CAMK4: variants seen among roughly 807,000 people sequenced by gnomAD.
CAMK4 encodes the protein calcium/calmodulin dependent protein kinase IV.
A neutral mutation model predicts 44.9 loss-of-function variants in CAMK4; 22 were observed. The ratio of observed to expected loss-of-function variants is 0.49; its 90% CI spans 0.35 to 0.70. The LOEUF is 0.70. Among genes scored for constraint, CAMK4 ranks in the 30% least tolerant of loss-of-function variants. CAMK4 has a pLI of 0.01. For synonymous variants in CAMK4, 218 were observed against 215.4 expected, an observed-to-expected ratio of 1.01 and a Z score of -0.11; for missense variants, 498 against 586.8, an observed-to-expected ratio of 0.85 and a Z score of 1.56.
At chr5:111,479,703 T>C (rs995552359) in intron 9 of CAMK4, among the ~76,000 whole-genome samples, 1 of 152,174 alleles carries the variant, frequency 6.6e-6, no homozygotes, top group Non-Finnish European at 1.5e-5. Context: ...ATTTCTTCCT[T>C]ACCCTCTGTG....
chr5:111,257,194 T>G (rs2112553185), intron 1 of CAMK4, among the ~76,000 whole-genome samples: 1 of 152,310 alleles, frequency 6.6e-6, no homozygotes, highest in South Asian at 2.1e-4. Flanking sequence ...CAAAAGAATC[T>G]GTTATCAGAG....
intron 1 of CAMK4, among the ~76,000 whole-genome samples, chr5:111,314,071 T>G (rs939250519): frequency 2.0e-5 from 3 of 152,076 alleles, no homozygotes; most frequent in Non-Finnish European, 4.4e-5. Context: ...TCCCCAAAAG[T>G]GTAATAGGAA....
intron 1 of CAMK4, among the ~76,000 whole-genome samples, chr5:111,272,276 C>A (rs139974898): frequency 6.6e-4 from 100 of 152,218 alleles, no homozygotes; most frequent in African/African-American, 2.2e-3. Context: ...GTGTCTTTTA[C>A]AAGTATTTTA....
At position 111,330,603 on chromosome 5, in the gene CAMK4, T is replaced by C. The variant is rs576854568; in HGVS notation, c.162-13421T>C. Among the ~76,000 whole-genome samples, 3 of 151,754 alleles carry C rather than the reference T, an allele frequency of 2.0e-5. No individual in the cohort carries two copies. In the South Asian group the frequency reaches 6.2e-4, roughly 32 times the overall value. On this transcript the variant is annotated intron_variant, in intron 1 of 10. Coordinates refer to ENST00000282356, the MANE Select transcript of CAMK4 (RefSeq NM_001744.6). ...CCAAGTTATAATTAATTATAAGTAA[T>C]CTAGAGATGATTTAAAGTATAAGGG...
At chr5:111,346,353 T>G (rs1026526862) in intron 2 of CAMK4, among the ~76,000 whole-genome samples, 2 of 151,996 alleles carry the variant, frequency 1.3e-5, no homozygotes, top group Non-Finnish European at 2.9e-5. Context: ...TTTTACTTAT[T>G]TCTTGGCCTT....
At chr5:111,340,116 T>C (rs149606097) in intron 1 of CAMK4, among the ~76,000 whole-genome samples, 1 of 151,368 alleles carries the variant, frequency 6.6e-6, no homozygotes, top group African/African-American at 2.4e-5. Context: ...CTAACTGTAT[T>C]TTGGTGAAGT....
chr5:111,295,678 T>C (rs1218887419), intron 1 of CAMK4, among the ~76,000 whole-genome samples: 1 of 152,196 alleles, frequency 6.6e-6, no homozygotes, highest in East Asian at 1.9e-4. Flanking sequence ...CAAAATATAT[T>C]CTGGAATTTA....
At chr5:111,318,374 G>A (rs1209289335) in intron 1 of CAMK4, among the ~76,000 whole-genome samples, 2 of 152,188 alleles carry the variant, frequency 1.3e-5, no homozygotes, top group Non-Finnish European at 2.9e-5. Context: ...TTTCTGAGAT[G>A]AGTAAAGTGA....
At chr5:111,479,167 C>A (rs1755346514) in intron 9 of CAMK4, among the ~76,000 whole-genome samples, 1 of 152,230 alleles carries the variant, frequency 6.6e-6, no homozygotes, top group South Asian at 2.1e-4. Flanking sequence ...ATGTGAGCCA[C>A]TGCACCCAGC....
chr5:111,326,457 C>A (rs1398915361), intron 1 of CAMK4, among the ~76,000 whole-genome samples: 2 of 151,696 alleles, frequency 1.3e-5, no homozygotes, highest in African/African-American at 4.8e-5. Context: ...TATTAAAAGT[C>A]TTCCTCAAAA....
chr5:111,484,933 A>C lies in CAMK4; in HGVS notation c.*467A>C, dbSNP rs183766808. ...TTTACTTTTTATCATTGATGTGTTC[A>C]AACTGTTTACAAGGAGATGCTTATA... On this transcript the variant is annotated 3_prime_UTR_variant, in exon 11 of 11. Coordinates refer to ENST00000282356, the MANE Select transcript of CAMK4 (RefSeq NM_001744.6). This position sits in a 1 kb window ranked among gnomAD's most constrained non-coding sequence, Gnocchi z 5.3. 1 of 152,704 alleles carries C rather than the reference A, an allele frequency of 6.5e-6. No individual in the cohort carries two copies. Among genetic ancestry groups the C allele is most frequent in the Admixed American group, 6.5e-5 (1 of 15,298 alleles). The allele number at this position is 152,704 out of a possible 1,614,324, so 9.5% of individuals were successfully genotyped here.
chr5:111,480,457 A>G (rs1755398072), intron 9 of CAMK4, among the ~76,000 whole-genome samples: 1 of 152,030 alleles, frequency 6.6e-6, no homozygotes, highest in Non-Finnish European at 1.5e-5. Context: ...TATATATTTA[A>G]TGGTCCTCCT....
chr5:111,363,639 G>A (rs1341462758), intron 2 of CAMK4, among the ~76,000 whole-genome samples: 1 of 151,986 alleles, frequency 6.6e-6, no homozygotes, highest in African/African-American at 2.4e-5. Flanking sequence ...TACTTTTGAT[G>A]GAGTGGCCAG....
intron 2 of CAMK4, among the ~76,000 whole-genome samples, chr5:111,351,378 A>G (rs1259993505): frequency 6.6e-6 from 1 of 151,620 alleles, no homozygotes; most frequent in Non-Finnish European, 1.5e-5. Flanking sequence ...TTACAAGGAA[A>G]CTGGCAACTT....
chr5:111,425,999 TG>T (rs1334966124), intron 5 of CAMK4, among the ~76,000 whole-genome samples: 2 of 152,212 alleles, frequency 1.3e-5, no homozygotes, highest in African/African-American at 4.8e-5. Context: ...AGAACATTTT[TG>T]TATTTTTAAT....
rs972309056 is a variant in CAMK4, at chr5:111,484,057, G to A, written c.1013G>A (p.Arg338His). ...AAVKAVVASS[R>H]LGSASSSHGS... Reference sequence around the variant, plus strand: ...GTGAAGGCTGTGGTGGCCTCTTCGCGCCTGGGAAGTGCCAGCAGCAGCCAT... The same window carrying A: ...GTGAAGGCTGTGGTGGCCTCTTCGCACCTGGGAAGTGCCAGCAGCAGCCAT... Residue 338 changes from arginine (R) to histidine (H), a missense_variant, in exon 11 of 11, where the codon CGC becomes CAC. Physicochemically the swap from Arg to His is conservative, Grantham distance 29. Coordinates refer to ENST00000282356, the MANE Select transcript of CAMK4 (RefSeq NM_001744.6). This position sits in a 1 kb window ranked among gnomAD's most constrained non-coding sequence, Gnocchi z 5.3. 1.9e-6 allele frequency: 3 copies of A among 1,604,822 alleles called. No homozygotes were observed. Among genetic ancestry groups the A allele is most frequent in the South Asian group, 1.1e-5 (1 of 89,386 alleles).
intron 5 of CAMK4, among the ~76,000 whole-genome samples, chr5:111,430,242 A>G (rs1753394551): frequency 6.6e-6 from 1 of 152,250 alleles, no homozygotes; most frequent in African/African-American, 2.4e-5. Flanking sequence ...ATTGATGCTG[A>G]AAAGGCATTT....
chr5:111,484,857 A>G lies in CAMK4; in HGVS notation c.*391A>G. On this transcript the variant is annotated 3_prime_UTR_variant, in exon 11 of 11. Coordinates refer to ENST00000282356, the MANE Select transcript of CAMK4 (RefSeq NM_001744.6). This position sits in a 1 kb window ranked among gnomAD's most constrained non-coding sequence, Gnocchi z 5.3. ...CAGTAATTCCTTTGAACTACTGCTT[A>G]GCTAATACTAGGTAGTGCTAAAAGA... 6.3e-6 allele frequency: 1 copy of G among 158,676 alleles called. No individual in the cohort carries two copies. The highest frequency in any genetic ancestry group is 1.4e-5 in the Non-Finnish European group (1 of 72,614). 9.8% of individuals were successfully genotyped at this position (158,676 alleles called of 1,614,324 possible).
Position 111,478,500 on chromosome 5 carries a change from A to G in CAMK4, c.821A>G (p.Lys274Arg), listed in dbSNP as rs760133605. The G allele has an allele frequency of 8.7e-5, 133 of 1,529,604 alleles. No individual in the cohort carries two copies. Among genetic ancestry groups the G allele is most frequent in the Non-Finnish European group, 1.2e-4 (130 of 1,115,534 alleles). The allele number at this position is 1,529,604 out of a possible 1,614,324, so 94.8% of individuals were successfully genotyped here. A position where few individuals can be genotyped will look rare whatever the true frequency, so the allele number is the denominator to read the frequency against. The change falls in exon 9 of 11, where the codon AAG becomes AGG. Residue 274 changes from lysine to arginine, a missense_variant. This residue lies in a region of CAMK4 where 203 missense variants were observed against 298.2 expected (regional missense o/e 0.68). Coordinates refer to ENST00000282356, the MANE Select transcript of CAMK4 (RefSeq NM_001744.6). ...TGGGATGAAGTATCTCTAAATGCCA[A>G]GGACTTGGTAAGTGTAACCAAAACA... ...PWWDEVSLNA[K>R]DLVRKLIVLD...
Sources: gnomAD v4.1 joint callset for allele counts (sites outside exome capture counted in the v4.1 genomes callset) on GRCh38, gnomAD v4.1.1 for gene constraint, gnomAD v4.1.1 regional missense constraint, Gnocchi (gnomAD v3.1) non-coding constraint, MANE v1.5 for transcripts, NCBI Gene and HGNC (gene_info 2026-07-23, HGNC 2026-07-21) for gene names.